MGMT: variants seen among roughly 807,000 people sequenced by gnomAD.
MGMT encodes methylated-DNA--protein-cysteine methyltransferase.
MGMT carries 14 observed loss-of-function variants against 15.9 expected under a neutral mutation model. The observed-to-expected ratio is 0.88, with a 90% CI of 0.58 to 1.37. The LOEUF (loss-of-function observed/expected upper bound fraction) is 1.37. Ranked by LOEUF, MGMT falls within the 40% of genes most tolerant of loss-of-function variation. The pLI, the probability that MGMT is intolerant of heterozygous loss-of-function variation, is 0.00. For synonymous variants in MGMT, 130 were observed against 118.2 expected (o/e 1.10, Z -0.65); for missense variants, 282 against 268.1 (o/e 1.05, Z -0.36).
chr10:129,592,975 C>A (rs955308585), intron 2 of MGMT, among the ~76,000 whole-genome samples: 1 of 152,172 alleles, frequency 6.6e-6, no homozygotes, highest in Non-Finnish European at 1.5e-5. Context: ...TTAGAGTCCT[C>A]ATGATGCTTA....
chr10:129,757,299 A>G (rs1485154012), intron 3 of MGMT, among the ~76,000 whole-genome samples: 3 of 152,174 alleles, frequency 2.0e-5, no homozygotes, highest in African/African-American at 4.8e-5. Context: ...TTTGGCAGCA[A>G]TTTGTCAGAG....
chr10:129,642,426 A>C (rs1168459518), intron 2 of MGMT, among the ~76,000 whole-genome samples: 1 of 152,144 alleles, frequency 6.6e-6, no homozygotes, highest in African/African-American at 2.4e-5. Context: ...TAAACATTCC[A>C]CCTGAATTTT....
intron 2 of MGMT, among the ~76,000 whole-genome samples, chr10:129,575,966 T>C (rs1243964615): frequency 6.6e-6 from 1 of 151,790 alleles, no homozygotes; most frequent in East Asian, 1.9e-4. Context: ...ACACATACAC[T>C]CTCCCAAGAC....
chr10:129,631,574 A>G (rs923217264), intron 2 of MGMT, among the ~76,000 whole-genome samples: 2 of 152,224 alleles, frequency 1.3e-5, no homozygotes, highest in African/African-American at 4.8e-5. Flanking sequence ...GGTAATCCCA[A>G]CACTTTGGTA....
chr10:129,748,598 A>G (rs1243197396), intron 3 of MGMT, among the ~76,000 whole-genome samples: 5 of 152,126 alleles, frequency 3.3e-5, no homozygotes, highest in East Asian at 1.9e-4. Flanking sequence ...GCTCCTTGCT[A>G]TGGGGGTGGT....
chr10:129,694,926 ACTT>A (rs1194244547), intron 2 of MGMT, among the ~76,000 whole-genome samples: 12 of 152,126 alleles, frequency 7.9e-5, no homozygotes, highest in South Asian at 4.1e-4. Context: ...CTTGTAATCT[ACTT>A]CTTGCAAATA....
intron 1 of MGMT, among the ~76,000 whole-genome samples, chr10:129,468,493 G>A (rs1329246681): frequency 6.6e-6 from 1 of 152,064 alleles, no homozygotes; most frequent in East Asian, 1.9e-4. Context: ...AATTTGAATA[G>A]TGGAGTAGTG....
intron 2 of MGMT, among the ~76,000 whole-genome samples, chr10:129,626,705 A>G (rs508360): frequency 0.48 from 72,748 of 152,132 alleles, 17,945 homozygotes; most frequent in East Asian, 0.62. Context: ...CCTGACTTCC[A>G]CTGGACAGTG....
intron 1 of MGMT, among the ~76,000 whole-genome samples, chr10:129,526,706 T>C (rs1845874751): frequency 6.6e-6 from 1 of 151,952 alleles, no homozygotes; most frequent in Non-Finnish European, 1.5e-5. Context: ...GCAGTGGAAA[T>C]GGTTAAGAGG....
intron 2 of MGMT, among the ~76,000 whole-genome samples, chr10:129,661,504 C>G (rs1230975055): frequency 6.6e-6 from 1 of 152,174 alleles, no homozygotes; most frequent in Non-Finnish European, 1.5e-5. Flanking sequence ...TGTTGTGCAA[C>G]TTTCTGTGTT....
intron 2 of MGMT, among the ~76,000 whole-genome samples, chr10:129,558,057 G>A (rs571963470): frequency 1.7e-4 from 26 of 152,268 alleles, no homozygotes; most frequent in African/African-American, 5.5e-4. Flanking sequence ...CTTGGCCCCC[G>A]TAACACCACA....
At chr10:129,672,083 G>A in intron 2 of MGMT, among the ~76,000 whole-genome samples, 1 of 152,162 alleles carries the variant, frequency 6.6e-6, no homozygotes, top group East Asian at 1.9e-4. Context: ...GTACACCATT[G>A]CCTTTATTTC....
intron 1 of MGMT, among the ~76,000 whole-genome samples, chr10:129,496,472 T>A (rs1845522734): frequency 6.6e-6 from 1 of 152,198 alleles, no homozygotes; most frequent in African/African-American, 2.4e-5. Flanking sequence ...TGTATAGTTA[T>A]CCTAGCGGTG....
intron 2 of MGMT, among the ~76,000 whole-genome samples, chr10:129,554,129 C>T (rs895533077): frequency 6.6e-6 from 1 of 152,190 alleles, no homozygotes; most frequent in Non-Finnish European, 1.5e-5. Context: ...GCCCTGTGGC[C>T]GGCCAGGCCG....
At chr10:129,705,052 G>A (rs113165447) in intron 2 of MGMT, among the ~76,000 whole-genome samples, 1,622 of 152,284 alleles carry the variant, frequency 0.011, 30 homozygotes, top group African/African-American at 0.036. Flanking sequence ...AACAACACGG[G>A]TGCAGTTCTG....
intron 2 of MGMT, among the ~76,000 whole-genome samples, chr10:129,647,289 G>GC (rs56166341): frequency 1 from 152,200 of 152,200 alleles, 76,100 homozygotes; most frequent in Non-Finnish European, 1. Flanking sequence ...AGTAATCAGA[G>GC]CCCTTCTGTG....
intron 2 of MGMT, among the ~76,000 whole-genome samples, chr10:129,592,163 A>G (rs1846694964): frequency 6.6e-6 from 1 of 152,176 alleles, no homozygotes; most frequent in Admixed American, 6.5e-5. Context: ...CATTTTCACC[A>G]TTGAAAGTAT....
intron 2 of MGMT, among the ~76,000 whole-genome samples, chr10:129,668,148 C>T (rs1003505775): frequency 6.6e-6 from 1 of 152,098 alleles, no homozygotes; most frequent in Admixed American, 6.6e-5. Flanking sequence ...TCTTTTCTCT[C>T]CCATAAGAAC....
intron 3 of MGMT, among the ~76,000 whole-genome samples, chr10:129,742,726 A>G (rs965648936): frequency 4.1e-5 from 6 of 147,828 alleles, no homozygotes; most frequent in Non-Finnish European, 8.9e-5. Flanking sequence ...GCAGTGCCCC[A>G]CTACCATAGC....
Sources: gnomAD v4.1 joint callset for allele counts (sites outside exome capture counted in the v4.1 genomes callset) on GRCh38, gnomAD v4.1.1 for gene constraint, MANE v1.5 for transcripts, NCBI Gene and HGNC (gene_info 2026-07-23, HGNC 2026-07-21) for gene names.